The following ASTN2 variants were observed in gnomAD, a reference collection of about 807,000 sequenced individuals.
ASTN2 encodes astrotactin 2.
Under a neutral mutation model 139.8 loss-of-function variants are expected in ASTN2, and 54 were observed. The observed-to-expected ratio is 0.39, with a 90% CI of 0.31 to 0.48. ASTN2 has a LOEUF of 0.48. Ranked by LOEUF, ASTN2 falls within the 20% of genes least tolerant of loss-of-function variation. The pLI is 0.95. For missense variants in ASTN2, 1,565 were observed against 1,725.1 expected (o/e 0.91, Z 1.64); for synonymous variants, 756 against 719.5 (o/e 1.05, Z -0.81).
intron 16 of ASTN2, among the ~76,000 whole-genome samples, chr9:116,690,232 T>G (rs1860498052): frequency 6.6e-6 from 1 of 152,212 alleles, no homozygotes; most frequent in South Asian, 2.1e-4. Flanking sequence ...TTATAATTTG[T>G]TGAGTGCTTA....
At chr9:116,637,541 GCT>G (rs1857133260) in intron 17 of ASTN2, among the ~76,000 whole-genome samples, 1 of 152,130 alleles carries the variant, frequency 6.6e-6, no homozygotes, top group Admixed American at 6.5e-5. Context: ...CAAAACATAT[GCT>G]CTGTCTAGTA....
At chr9:116,948,690 T>C (rs1055825191) in intron 10 of ASTN2, among the ~76,000 whole-genome samples, 1 of 88,284 alleles carries the variant, frequency 1.1e-5, no homozygotes, top group Admixed American at 1.4e-4. Context: ...GTTTGACTTA[T>C]ATGTGTGAGT....
intron 11 of ASTN2, among the ~76,000 whole-genome samples, chr9:116,847,909 G>A (rs1324190590): frequency 6.6e-6 from 1 of 152,190 alleles, no homozygotes. Flanking sequence ...AACTTCCCAA[G>A]ATCATACAGT....
intron 1 of ASTN2, among the ~76,000 whole-genome samples, chr9:117,351,773 C>T (rs1431795919): frequency 6.6e-6 from 1 of 152,000 alleles, no homozygotes; most frequent in Non-Finnish European, 1.5e-5. Flanking sequence ...TTCATGTGTG[C>T]TTTAGATGCT....
intron 11 of ASTN2, among the ~76,000 whole-genome samples, chr9:116,827,074 C>T (rs1402216859): frequency 6.6e-6 from 1 of 151,962 alleles, no homozygotes. Flanking sequence ...CTTTGGGAGG[C>T]TGAGGTGGGC....
At chr9:117,383,713 T>G (rs775649203) in intron 1 of ASTN2, among the ~76,000 whole-genome samples, 113 of 152,246 alleles carry the variant, frequency 7.4e-4, no homozygotes, top group South Asian at 1.5e-3. Context: ...CAAGAAGCCA[T>G]GAAAGTATAC....
chr9:116,882,689 T>C (rs747473791), intron 10 of ASTN2, among the ~76,000 whole-genome samples: 3 of 152,182 alleles, frequency 2.0e-5, no homozygotes, highest in East Asian at 1.9e-4. Flanking sequence ...TGGCAGACCA[T>C]AGTGGCTCAC....
chr9:117,291,659 G>C (rs1265508675), intron 1 of ASTN2, 146 bp from the exon 2 acceptor site: 2 of 641,824 alleles, frequency 3.1e-6, no homozygotes, highest in Non-Finnish European at 5.3e-6. Context: ...ATGAGATAGG[G>C]ATCATCACTT....
rs1207568851 is a variant in ASTN2, at chr9:117,275,172, C to A, written c.630+16154G>T. 2.0e-5 allele frequency among the ~76,000 whole-genome samples: 3 copies of A among 152,232 alleles called. No individual in the cohort carries two copies. In the East Asian group the frequency reaches 5.8e-4, roughly 29 times the overall value. On this transcript the variant is annotated intron_variant, in intron 2 of 22. Coordinates refer to ENST00000313400, the MANE Select transcript of ASTN2 (RefSeq NM_001365068.1). ...ACCTCACCACATGCACCTTTAGCAT[C>A]CATTTTTTCTATCAACAGTGTTTTC...
chr9:116,739,602 C>T (rs1829044938), intron 13 of ASTN2, among the ~76,000 whole-genome samples: 1 of 152,208 alleles, frequency 6.6e-6, no homozygotes, highest in African/African-American at 2.4e-5. Context: ...ATTACACACC[C>T]TTATAGTATC....
intron 4 of ASTN2, among the ~76,000 whole-genome samples, chr9:117,134,287 T>C (rs1410914992): frequency 2.0e-3 from 167 of 81,994 alleles, no homozygotes; most frequent in African/African-American, 7.7e-3. Context: ...TATATATATA[T>C]ATATATATAC....
intron 3 of ASTN2, among the ~76,000 whole-genome samples, chr9:117,163,433 T>G (rs912737873): frequency 1.3e-5 from 2 of 152,098 alleles, no homozygotes; most frequent in African/African-American, 4.8e-5. Context: ...TAAAGGGTGA[T>G]AGGAAATAAG....
Position 116,758,806 on chromosome 9 carries a change from A to G in ASTN2, c.2397-25283T>C, listed in dbSNP as rs114202522. 3.1e-3 allele frequency among the ~76,000 whole-genome samples: 479 copies of G among 152,208 alleles called. 1 individual carries two copies. The highest frequency in any genetic ancestry group is 0.011 in the African/African-American group (463 of 41,522). The stretch of plus-strand genomic sequence containing the variant: ...ACCAGGGCCATTGTCTCTCATACTC[A>G]TCTCTGTATTCCCAGGGCTGCCTAG... On this transcript the variant is annotated intron_variant, in intron 13 of 22. Coordinates refer to ENST00000313400, the MANE Select transcript of ASTN2 (RefSeq NM_001365068.1).
chr9:116,445,588 C>T lies in ASTN2; in HGVS notation c.3498-3035G>A, dbSNP rs114635552. Among the ~76,000 whole-genome samples the T allele has an allele frequency of 6.5e-3, 990 of 152,214 alleles. 10 individuals carry two copies. Among genetic ancestry groups the T allele is most frequent in the African/African-American group, 0.023 (954 of 41,542 alleles). On this transcript the variant is annotated intron_variant, in intron 20 of 22. Coordinates refer to ENST00000313400, the MANE Select transcript of ASTN2 (RefSeq NM_001365068.1). ...GCCAAGCAGCATGAATAAGAGAGCC[C>T]CCAGGATGCTGGGGAAGAAGTGGTC... is the stretch of plus-strand genomic sequence containing the variant.
At chr9:116,851,518 TTATC>T (rs1343672676) in intron 11 of ASTN2, among the ~76,000 whole-genome samples, 1 of 127,854 alleles carries the variant, frequency 7.8e-6, no homozygotes, top group Non-Finnish European at 1.7e-5. Flanking sequence ...ATCTATCTAG[TTATC>T]TATCTATCTT....
At chr9:117,161,278 G>A (rs1830545342) in intron 3 of ASTN2, among the ~76,000 whole-genome samples, 1 of 152,014 alleles carries the variant, frequency 6.6e-6, no homozygotes, top group Non-Finnish European at 1.5e-5. Flanking sequence ...TCTTGTGAAA[G>A]TAAACAGAAT....
intron 2 of ASTN2, among the ~76,000 whole-genome samples, chr9:117,243,904 T>A (rs1211959454): frequency 1.3e-5 from 2 of 152,070 alleles, no homozygotes; most frequent in Non-Finnish European, 2.9e-5. Flanking sequence ...ATATGGTTAG[T>A]TTTTGTGTCC....
chr9:116,858,908 C>T (rs892775901), intron 11 of ASTN2, among the ~76,000 whole-genome samples: 11 of 152,120 alleles, frequency 7.2e-5, no homozygotes, highest in Admixed American at 1.3e-4. Context: ...TTTAAAGTAA[C>T]GCAAATTTAT....
chr9:116,567,500 G>C (rs58037465), intron 19 of ASTN2, among the ~76,000 whole-genome samples: 3 of 152,162 alleles, frequency 2.0e-5, no homozygotes, highest in Middle Eastern at 3.4e-3. Context: ...CTGGGTTCAG[G>C]GGGTGGATAG....
Sources: gnomAD v4.1 joint callset for allele counts (sites outside exome capture counted in the v4.1 genomes callset) on GRCh38, gnomAD v4.1.1 for gene constraint, MANE v1.5 for transcripts, NCBI Gene and HGNC (gene_info 2026-07-23, HGNC 2026-07-21) for gene names.